Variants in CLASP1 observed in about 807,000 individuals in gnomAD.
CLASP1 encodes cytoplasmic linker associated protein 1, also known as CLIP-associating protein 1.
A neutral mutation model predicts 192.3 loss-of-function variants in CLASP1; 38 were observed. The ratio of observed to expected loss-of-function variants is 0.20; its 90% CI spans 0.15 to 0.26. The LOEUF is 0.26. Ranked by LOEUF, CLASP1 falls within the 10% of genes least tolerant of loss-of-function variation. CLASP1 has a pLI of 1.00. For missense variants in CLASP1, 1,433 were observed against 1,932.5 expected (o/e 0.74, Z 4.85); for synonymous variants, 691 against 712.8 (o/e 0.97, Z 0.49).
At chr2:121,366,433 GAGAAC>G (rs2067424259) in intron 35 of CLASP1, among the ~76,000 whole-genome samples, 1 of 152,246 alleles carries the variant, frequency 6.6e-6, no homozygotes, top group Non-Finnish European at 1.5e-5. Context: ...CTTTCAAACA[GAGAAC>G]TCCTCTTCTA....
rs1168707808 is a variant in CLASP1 at position 121,623,437 on chromosome 2, T to G, written c.-285-17257A>C. 2.6e-5 allele frequency among the ~76,000 whole-genome samples: 4 copies of G among 152,264 alleles called. 1 individual carries two copies. The highest frequency in any genetic ancestry group is 1.3e-4 in the Admixed American group (2 of 15,288). The stretch of plus-strand genomic sequence containing the variant: ...TATGTTGCTATGTTCAGTTTGCAAG[T>G]ATTTTGTTGAGGTATTTTACACCTA... On this transcript the variant is annotated intron_variant, in intron 1 of 39. Coordinates refer to ENST00000263710, the Ensembl canonical transcript of CLASP1.
intron 37 of CLASP1, among the ~76,000 whole-genome samples, chr2:121,357,440 G>A (rs924178001): frequency 4.6e-5 from 7 of 152,132 alleles, no homozygotes; most frequent in Non-Finnish European, 8.8e-5. Flanking sequence ...CAGCATACAA[G>A]TGCTTTAGAT....
At chr2:121,470,074 TA>T in intron 8 of CLASP1, 114 bp from the exon 9 acceptor site, 2 of 888,566 alleles carry the variant, frequency 2.3e-6, no homozygotes, top group Non-Finnish European at 3.4e-6. Flanking sequence ...TGATTCTGCA[TA>T]CTCTTTTGGA....
chr2:121,410,913 C>T lies in CLASP1; in HGVS notation c.2377G>A (p.Val793Ile), dbSNP rs536889625. Residue 793 changes from valine to isoleucine, a missense_variant, in exon 24 of 40, where the codon GTT becomes ATT. Transcript: ENST00000263710. ...TCAAGATCTGTACTTGTGCTCAGAA[C>T]TCTCATGGCATTCACAGAACCAGGT... The T allele has an allele frequency of 3.1e-6, 5 of 1,612,502 alleles. No homozygotes were observed. In the African/African-American group the frequency reaches 5.3e-5, roughly 17 times the overall value.
intron 17 of CLASP1, among the ~76,000 whole-genome samples, chr2:121,448,556 T>C (rs1037304527): frequency 6.6e-6 from 1 of 152,140 alleles, no homozygotes; most frequent in Admixed American, 6.5e-5. Context: ...AGACAGAAAT[T>C]AGAAACACAG....
intron 1 of CLASP1, among the ~76,000 whole-genome samples, chr2:121,628,542 G>A (rs936824354): frequency 2.0e-5 from 3 of 151,842 alleles, no homozygotes; most frequent in African/African-American, 7.3e-5. Flanking sequence ...CAGGCATGGT[G>A]GTGCACGCCT....
At chr2:121,536,209 G>A (rs1427782068) in intron 2 of CLASP1, among the ~76,000 whole-genome samples, 8 of 150,656 alleles carry the variant, frequency 5.3e-5, no homozygotes, top group African/African-American at 1.5e-4. Flanking sequence ...GTGAAACCCC[G>A]TCTCTAGTAA....
exon 40 of CLASP1, chr2:121,340,346 A>G (rs2149071347): frequency 6.5e-6 from 1 of 152,982 alleles, no homozygotes; most frequent in Non-Finnish European, 1.5e-5. Flanking sequence ...CTTGATTCCC[A>G]TTTTTAGTAG....
At position 121,565,200 on chromosome 2, in the gene CLASP1, G is replaced by C. The variant is rs987923253; in HGVS notation, c.196-34875C>G. ...TATACCAGGACAAGAGGCATGAACA[G>C]GGAATGTCCCAGGCTACGTGGATAT... On this transcript the variant is annotated intron_variant, in intron 2 of 39. Transcript: ENST00000263710. 2.0e-5 allele frequency among the ~76,000 whole-genome samples: 3 copies of C among 152,302 alleles called. No homozygotes were observed. In the East Asian group the frequency reaches 5.8e-4, roughly 29 times the overall value.
At chr2:121,625,966 G>C (rs2068267570) in intron 1 of CLASP1, among the ~76,000 whole-genome samples, 1 of 151,836 alleles carries the variant, frequency 6.6e-6, no homozygotes, top group Non-Finnish European at 1.5e-5. Context: ...GGGCATGGTG[G>C]CACGCACCTG....
chr2:121,419,042 G>A (rs1268796207), intron 22 of CLASP1, among the ~76,000 whole-genome samples: 1 of 152,164 alleles, frequency 6.6e-6, no homozygotes, highest in African/African-American at 2.4e-5. Flanking sequence ...GAAAATACAA[G>A]ATCAAAAGCC....
At chr2:121,631,200 G>T in intron 1 of CLASP1, among the ~76,000 whole-genome samples, 1 of 143,080 alleles carries the variant, frequency 7.0e-6, no homozygotes, top group Admixed American at 7.1e-5. Flanking sequence ...GAAGAAAAGT[G>T]CTCAATTTGC....
intron 2 of CLASP1, among the ~76,000 whole-genome samples, chr2:121,533,766 C>T (rs540926285): frequency 6.6e-6 from 1 of 152,346 alleles, no homozygotes; most frequent in South Asian, 2.1e-4. Flanking sequence ...TCCCCAGCTA[C>T]ACTCCTTGAA....
At chr2:121,375,016 C>T (rs13016853) in intron 34 of CLASP1, among the ~76,000 whole-genome samples, 19,796 of 151,840 alleles carry the variant, frequency 0.13, 1,764 homozygotes, top group African/African-American at 0.25. Flanking sequence ...TGGGAGGGGC[C>T]GGGGGTAGAA....
At chr2:121,404,460 T>C in intron 25 of CLASP1, 26 bp from the exon 27 acceptor site, 2 of 1,580,012 alleles carry the variant, frequency 1.3e-6, no homozygotes, top group Non-Finnish European at 1.7e-6. Flanking sequence ...CAGAAATCAA[T>C]GAATTTACTA....
intron 16 of CLASP1, among the ~76,000 whole-genome samples, 162 bp from the exon 17 acceptor site, chr2:121,449,282 C>A (rs1042777399): frequency 1.3e-5 from 2 of 152,148 alleles, no homozygotes; most frequent in African/African-American, 2.4e-5. Context: ...TGGTACGAAT[C>A]CTGGCCTCAC....
chr2:121,599,053 C>T (rs947612986), intron 2 of CLASP1, among the ~76,000 whole-genome samples: 6 of 151,784 alleles, frequency 4.0e-5, no homozygotes, highest in African/African-American at 7.3e-5. Flanking sequence ...TTAGTAGATA[C>T]GGGGTTTCAC....
intron 2 of CLASP1, among the ~76,000 whole-genome samples, chr2:121,554,454 TAAAAAAAAA>T (rs56965310): frequency 1.1e-5 from 1 of 87,562 alleles, no homozygotes; most frequent in African/African-American, 4.4e-5. Flanking sequence ...CTACAAAAAG[TAAAAAAAAA>T]AAAAAAAAAA....
chr2:121,378,093 A>G (rs1008381388), intron 33 of CLASP1, among the ~76,000 whole-genome samples: 5 of 152,266 alleles, frequency 3.3e-5, no homozygotes, highest in Admixed American at 3.3e-4. Context: ...GGAGCAAAGT[A>G]AATGACCTCA....
Sources: allele counts gnomAD v4.1 joint callset (sites outside exome capture counted in the v4.1 genomes callset), GRCh38; gene constraint gnomAD v4.1.1; transcripts MANE v1.5; gene names NCBI Gene and HGNC (gene_info 2026-07-23, HGNC 2026-07-21).